The following CCDC88C variants were observed in gnomAD, a reference collection of about 807,000 sequenced individuals.
CCDC88C encodes the protein protein Daple.
A neutral mutation model predicts 198.8 loss-of-function variants in CCDC88C; 131 were observed. The ratio of observed to expected loss-of-function variants is 0.66; its 90% CI spans 0.57 to 0.76. The LOEUF (loss-of-function observed/expected upper bound fraction) is 0.76. Among genes scored for constraint, CCDC88C ranks in the 30% least tolerant of loss-of-function variants. The pLI is 0.00. For missense variants in CCDC88C, 2,553 were observed against 2,631.6 expected (o/e 0.97, Z 0.65); for synonymous variants, 1,166 against 1,114.7 (o/e 1.05, Z -0.92).
chr14:91,280,209 G>C (rs967479893), intron 27 of CCDC88C, among the ~76,000 whole-genome samples: 2 of 152,180 alleles, frequency 1.3e-5, no homozygotes, highest in African/African-American at 2.4e-5. Flanking sequence ...CACCCAGCAG[G>C]TGCTGAGCTG....
chr14:91,275,596 A>AC (rs1232914859), intron 29 of CCDC88C, among the ~76,000 whole-genome samples: 3 of 149,914 alleles, frequency 2.0e-5, no homozygotes, highest in African/African-American at 7.4e-5. Flanking sequence ...TCCTGCCTCA[A>AC]CCTCCCGAGT....
chr14:91,411,167 C>T (rs1158194318), intron 2 of CCDC88C, among the ~76,000 whole-genome samples: 1 of 152,184 alleles, frequency 6.6e-6, no homozygotes, highest in Admixed American at 6.5e-5. Flanking sequence ...CTAATCAAAA[C>T]AAAAGCCTCA....
chr14:91,372,830 G>C (rs969142943), intron 3 of CCDC88C, among the ~76,000 whole-genome samples: 1 of 152,176 alleles, frequency 6.6e-6, no homozygotes, highest in African/African-American at 2.4e-5. Context: ...CAGGTGGCCG[G>C]GCAGGCAGGC....
Position 91,307,822 on chromosome 14 carries a change from A to G in CCDC88C, c.3006+529T>C, listed in dbSNP as rs567306806. Among the ~76,000 whole-genome samples the G allele has an allele frequency of 2.0e-5, 3 of 152,220 alleles. No homozygotes were observed. In the East Asian group the frequency reaches 5.8e-4, roughly 29 times the overall value. ...CACGTGGTGGGCACATGTATAATAC[A>G]TGTGTGTAGAGAGCATGCATGTACA... On this transcript the variant is annotated intron_variant, in intron 17 of 29. Coordinates refer to ENST00000389857, the MANE Select transcript of CCDC88C (RefSeq NM_001080414.4).
chr14:91,384,037 G>A (rs1884972517), intron 3 of CCDC88C, among the ~76,000 whole-genome samples: 1 of 152,170 alleles, frequency 6.6e-6, no homozygotes, highest in South Asian at 2.1e-4. Context: ...CCGGGAAGAT[G>A]TTCCTAGGGC....
chr14:91,397,798 C>G (rs770275475), intron 3 of CCDC88C, among the ~76,000 whole-genome samples: 18 of 152,228 alleles, frequency 1.2e-4, no homozygotes, highest in Admixed American at 1.3e-4. Flanking sequence ...GCAGCACCCC[C>G]ACCCCACTGC....
chr14:91,400,686 G>T (rs1471475983), intron 3 of CCDC88C, among the ~76,000 whole-genome samples: 4 of 152,196 alleles, frequency 2.6e-5, no homozygotes, highest in Admixed American at 6.5e-5. Flanking sequence ...GCCTGGCAGG[G>T]ACTCGAGAAT....
Position 91,417,791 on chromosome 14 carries a change from T to A in CCDC88C, c.-101A>T. ...CCGCAGCGAGCAGCGGGCGCGGGGC[T>A]GCGGCGGCTCGCGCCCGGGAGACAA... On this transcript the variant is annotated 5_prime_UTR_variant, in exon 1 of 30. Coordinates refer to ENST00000389857, the MANE Select transcript of CCDC88C (RefSeq NM_001080414.4). 11 of 776,980 alleles carry A rather than the reference T, an allele frequency of 1.4e-5. No individual in the cohort carries two copies. Among genetic ancestry groups the A allele is most frequent in the South Asian group, 6.1e-5 (1 of 16,362 alleles). 48.1% of individuals were successfully genotyped at this position (776,980 alleles called of 1,614,324 possible).
intron 2 of CCDC88C, among the ~76,000 whole-genome samples, chr14:91,409,551 G>A (rs929354895): frequency 2.6e-4 from 38 of 147,800 alleles, no homozygotes; most frequent in Admixed American, 2.3e-3. Flanking sequence ...GCAGTGGCAC[G>A]ATCTCAGCTC....
At chr14:91,351,260 C>T (rs985718398) in intron 4 of CCDC88C, among the ~76,000 whole-genome samples, 6 of 152,094 alleles carry the variant, frequency 3.9e-5, no homozygotes, top group African/African-American at 1.4e-4. Context: ...ACTTAAAAAC[C>T]AGTTATTTCA....
At chr14:91,412,948 G>C (rs919971829) in intron 2 of CCDC88C, among the ~76,000 whole-genome samples, 2 of 152,142 alleles carry the variant, frequency 1.3e-5, no homozygotes, top group African/African-American at 4.8e-5. Context: ...GTGCACTGGG[G>C]TAAAAGTTAT....
chr14:91,373,732 T>C (rs1288975891), intron 3 of CCDC88C, among the ~76,000 whole-genome samples: 1 of 152,168 alleles, frequency 6.6e-6, no homozygotes, highest in East Asian at 1.9e-4. Context: ...AAGTTTCTAA[T>C]GACTAATATC....
intron 20 of CCDC88C, among the ~76,000 whole-genome samples, chr14:91,303,303 CCCACCTCTGCTCCAGGCT>C (rs1596045629): frequency 6.6e-6 from 1 of 151,946 alleles, no homozygotes; most frequent in Admixed American, 6.5e-5. Context: ...CTCCTGAGAC[CCCACCTCTGCTCCAGGCT>C]CCACCTCTCC....
chr14:91,318,849 T>C (rs1425787565), intron 13 of CCDC88C, among the ~76,000 whole-genome samples: 1 of 133,314 alleles, frequency 7.5e-6, no homozygotes, highest in African/African-American at 2.9e-5. Context: ...ACCCAGGAGA[T>C]GGAGATAGCA....
At chr14:91,399,431 T>G (rs1886042407) in intron 3 of CCDC88C, among the ~76,000 whole-genome samples, 1 of 152,128 alleles carries the variant, frequency 6.6e-6, no homozygotes, top group Admixed American at 6.5e-5. Context: ...CGTCCTTCTC[T>G]CTGCTGCCGT....
At position 91,371,762 on chromosome 14, in the gene CCDC88C, C is replaced by A. The variant is rs755132498; in HGVS notation, c.271-12051G>T. On this transcript the variant is annotated intron_variant, in intron 3 of 29. Coordinates refer to ENST00000389857, the MANE Select transcript of CCDC88C (RefSeq NM_001080414.4). The surrounding 1 kb of genome is among the most constrained non-coding windows in gnomAD (Gnocchi z 4.2). Reference sequence around the variant, plus strand: ...ATGTCCCACTCCACCGCTCACCCACCCAGGCCCACAGGCACCTATGCCAGG... The same window carrying A: ...ATGTCCCACTCCACCGCTCACCCACACAGGCCCACAGGCACCTATGCCAGG... Among the ~76,000 whole-genome samples the A allele has an allele frequency of 1.3e-5, 2 of 152,228 alleles. No individual in the cohort carries two copies. The highest frequency in any genetic ancestry group is 2.4e-5 in the African/African-American group (1 of 41,448).
chr14:91,384,541 T>C, intron 3 of CCDC88C: 1 of 500,896 alleles, frequency 2.0e-6, no homozygotes, highest in Admixed American at 2.1e-5. Flanking sequence ...ATCATAATCA[T>C]CACCCCATCT....
intron 10 of CCDC88C, among the ~76,000 whole-genome samples, chr14:91,329,040 G>C (rs974266194): frequency 2.6e-5 from 4 of 152,186 alleles, no homozygotes; most frequent in African/African-American, 9.7e-5. Context: ...CCTCAGTGGG[G>C]AGGGTCTGGG....
At chr14:91,323,094 C>T (rs551091331) in intron 12 of CCDC88C, among the ~76,000 whole-genome samples, 3 of 151,984 alleles carry the variant, frequency 2.0e-5, no homozygotes, top group Non-Finnish European at 4.4e-5. Flanking sequence ...TTAGTAGAGG[C>T]GGGGTTTCTC....
Sources: gnomAD v4.1 joint callset for allele counts (sites outside exome capture counted in the v4.1 genomes callset) on GRCh38, gnomAD v4.1.1 for gene constraint, Gnocchi (gnomAD v3.1) non-coding constraint, MANE v1.5 for transcripts, NCBI Gene and HGNC (gene_info 2026-07-23, HGNC 2026-07-21) for gene names.